POU3F3: variants seen among roughly 807,000 people sequenced by gnomAD.
The protein encoded by POU3F3 is POU class 3 homeobox 3, also known as POU domain, class 3, transcription factor 3.
A neutral mutation model predicts 8.6 loss-of-function variants in POU3F3; 1 was observed. That is an observed-to-expected ratio of 0.12 (90% confidence interval 0.04 to 0.55). The LOEUF (loss-of-function observed/expected upper bound fraction) is 0.55. POU3F3 is among the 20% of genes least tolerant of loss of function. The pLI is 0.91. For missense variants in POU3F3, 577 were observed against 690.7 expected, an observed-to-expected ratio of 0.84 and a Z score of 1.84; for synonymous variants, 418 against 327.4, an observed-to-expected ratio of 1.28 and a Z score of -2.99.
chr2:104,906,461 G>A, the POU3F3 span, among the ~76,000 whole-genome samples: 2 of 152,140 alleles, frequency 1.3e-5, no homozygotes, highest in African/African-American at 4.8e-5. Flanking sequence ...GGTAGAGATT[G>A]TTTTCTATTG....
chr2:104,907,970 G>GTTAAGAAT, the POU3F3 span, among the ~76,000 whole-genome samples: 1 of 152,030 alleles, frequency 6.6e-6, no homozygotes, highest in African/African-American at 2.4e-5. Context: ...ATTTTATCAT[G>GTTAAGAAT]TTAAGAATGT....
the POU3F3 span, among the ~76,000 whole-genome samples, chr2:104,870,654 C>T: frequency 6.6e-6 from 1 of 152,220 alleles, no homozygotes; most frequent in South Asian, 2.1e-4. Flanking sequence ...AAGTGCCCAG[C>T]TGCCTAGCCT....
the POU3F3 span, among the ~76,000 whole-genome samples, chr2:104,879,246 G>T: frequency 1.3e-5 from 2 of 151,806 alleles, no homozygotes; most frequent in Non-Finnish European, 2.9e-5. Flanking sequence ...AAGAAACCGA[G>T]AGAGGAGCCT....
the POU3F3 span, among the ~76,000 whole-genome samples, chr2:104,892,110 G>C: frequency 6.6e-6 from 1 of 152,192 alleles, no homozygotes; most frequent in African/African-American, 2.4e-5. Context: ...CTGGAGACCT[G>C]AGCAGGATGC....
chr2:104,897,500 C>T, the POU3F3 span, among the ~76,000 whole-genome samples: 5 of 152,212 alleles, frequency 3.3e-5, no homozygotes, highest in South Asian at 4.1e-4. Flanking sequence ...CCTCCCCCTA[C>T]AGCCCACTCA....
the POU3F3 span, among the ~76,000 whole-genome samples, chr2:104,927,345 C>A: frequency 6.7e-6 from 1 of 148,256 alleles, no homozygotes; most frequent in Non-Finnish European, 1.5e-5. Flanking sequence ...TTTAAAGACA[C>A]ACAAAAACAA....
chr2:104,920,127 G>C, the POU3F3 span, among the ~76,000 whole-genome samples: 1 of 152,202 alleles, frequency 6.6e-6, no homozygotes, highest in South Asian at 2.1e-4. Flanking sequence ...GGATTCTCCC[G>C]CCTCAGTCAC....
chr2:104,872,650 C>T, the POU3F3 span: 1 of 268,312 alleles, frequency 3.7e-6, no homozygotes, highest in Non-Finnish European at 7.2e-6. The surrounding 1 kb of genome is among the most constrained non-coding windows in gnomAD (Gnocchi z 4.6). Flanking sequence ...TCCCCTCCGC[C>T]CCGCCGGCCC....
chr2:104,854,038 G>A (rs996650844), upstream of POU3F3, among the ~76,000 whole-genome samples: 10 of 152,238 alleles, frequency 6.6e-5, no homozygotes, highest in Non-Finnish European at 1.0e-4. The surrounding 1 kb of genome is among the most constrained non-coding windows in gnomAD (Gnocchi z 4.5). Context: ...TAGCCAATCA[G>A]CGGGGGCCCT....
At chr2:104,903,439 G>A in the POU3F3 span, among the ~76,000 whole-genome samples, 1 of 152,130 alleles carries the variant, frequency 6.6e-6, no homozygotes, top group African/African-American at 2.4e-5. Flanking sequence ...CCTGACCTCA[G>A]TCCCATTTTC....
chr2:104,856,125 C>T lies in POU3F3; in HGVS notation c.615C>T (p.His205=), dbSNP rs1301968280. The T allele has an allele frequency of 1.7e-6, 2 of 1,192,130 alleles. No individual in the cohort carries two copies. Among genetic ancestry groups the T allele is most frequent in the Non-Finnish European group, 2.1e-6 (2 of 963,912 alleles). The allele number at this position is 1,192,130 out of a possible 1,614,324, so 73.8% of individuals were successfully genotyped here. A position where few individuals can be genotyped will look rare whatever the true frequency, so the allele number is the denominator to read the frequency against. Residue 205 remains histidine (H), a synonymous_variant, in exon 1 of 1, where the codon CAC becomes CAT. Coordinates refer to ENST00000361360, the MANE Select transcript of POU3F3 (RefSeq NM_006236.3). The part of the protein sequence containing the change: ...AAAAAAAAAA[H]LPSMAGGQQP... ...CCGCCGCCGCCGCCGCCGCCGCGCA[C>T]CTCCCGTCCATGGCCGGGGGCCAGC...
chr2:104,868,355 T>C, the POU3F3 span: 7 of 456,472 alleles, frequency 1.5e-5, no homozygotes, highest in Non-Finnish European at 4.4e-6. Flanking sequence ...CAGCAGTGTT[T>C]CTCCTCCGCC....
At chr2:104,881,477 A>G in the POU3F3 span, among the ~76,000 whole-genome samples, 11 of 151,986 alleles carry the variant, frequency 7.2e-5, no homozygotes, top group Admixed American at 5.2e-4. Context: ...AATCTTTTTC[A>G]TATGCAATGG....
chr2:104,882,087 A>C, the POU3F3 span, among the ~76,000 whole-genome samples: 1 of 152,226 alleles, frequency 6.6e-6, no homozygotes, highest in Non-Finnish European at 1.5e-5. Flanking sequence ...AAAATCTGTT[A>C]AGGAATAGGT....
the POU3F3 span, among the ~76,000 whole-genome samples, chr2:104,873,184 G>T: frequency 6.6e-6 from 1 of 152,174 alleles, no homozygotes; most frequent in Non-Finnish European, 1.5e-5. Flanking sequence ...GGCTGTGAGC[G>T]CTGGGCCGGT....
At chr2:104,884,103 A>C in the POU3F3 span, among the ~76,000 whole-genome samples, 1 of 152,178 alleles carries the variant, frequency 6.6e-6, no homozygotes, top group Non-Finnish European at 1.5e-5. Flanking sequence ...GATGACAACA[A>C]TCTGGCATGA....
chr2:104,881,335 A>AT, the POU3F3 span, among the ~76,000 whole-genome samples: 79 of 149,192 alleles, frequency 5.3e-4, no homozygotes, highest in African/African-American at 1.2e-3. Flanking sequence ...CTAAAAAAAG[A>AT]TTTTTTTTTT....
the POU3F3 span, among the ~76,000 whole-genome samples, chr2:104,876,852 A>G: frequency 6.6e-6 from 1 of 152,170 alleles, no homozygotes; most frequent in South Asian, 2.1e-4. Flanking sequence ...CAGCTTTGCC[A>G]CTTGCTGAAC....
chr2:104,855,766 A>G lies in POU3F3; in HGVS notation c.256A>G (p.Asn86Asp). The change falls in exon 1 of 1, where the codon AAC (asparagine) becomes GAC (aspartate). Residue 86 changes from asparagine (N) to aspartate (D), a missense_variant. Physicochemically the swap from Asn to Asp is conservative, Grantham distance 23 (BLOSUM62 1). Coordinates refer to ENST00000361360, the MANE Select transcript of POU3F3 (RefSeq NM_006236.3). ...DFMQGAMAAS[N>D]GGHMLSHAHQ... Reference sequence around the variant, plus strand: ...CATGCAGGGGGCCATGGCCGCCAGCAACGGCGGCCATATGCTGAGCCACGC... The same window carrying G: ...CATGCAGGGGGCCATGGCCGCCAGCGACGGCGGCCATATGCTGAGCCACGC... The G allele has an allele frequency of 7.6e-7, 1 of 1,315,978 alleles. No individual in the cohort carries two copies. The highest frequency in any genetic ancestry group is 1.3e-5 in the South Asian group (1 of 76,874). The allele number at this position is 1,315,978 out of a possible 1,614,324, so 81.5% of individuals were successfully genotyped here. A position where few individuals can be genotyped will look rare whatever the true frequency, so the allele number is the denominator to read the frequency against.
Sources: allele counts gnomAD v4.1 joint callset (sites outside exome capture counted in the v4.1 genomes callset), GRCh38; gene constraint gnomAD v4.1.1; non-coding constraint Gnocchi (gnomAD v3.1); transcripts MANE v1.5; gene names NCBI Gene and HGNC (gene_info 2026-07-23, HGNC 2026-07-21).